FAM185A: variants seen among roughly 807,000 people sequenced by gnomAD.
FAM185A encodes the protein family with sequence similarity 185 member A, also known as protein FAM185A.
Under a neutral mutation model 45.7 loss-of-function variants are expected in FAM185A, and 21 were observed. That is an observed-to-expected ratio of 0.46 (90% CI 0.33 to 0.66). FAM185A has a LOEUF of 0.66. Among genes scored for constraint, FAM185A ranks in the 30% least tolerant of loss-of-function variants. The pLI, the probability that FAM185A is intolerant of heterozygous loss-of-function variation, is 0.03. For missense variants in FAM185A, 305 were observed against 485.4 expected, an observed-to-expected ratio of 0.63 and a Z score of 3.49; for synonymous variants, 117 against 194.0, an observed-to-expected ratio of 0.60 and a Z score of 3.30.
the FAM185A span, among the ~76,000 whole-genome samples, chr7:102,845,535 C>T: frequency 0.011 from 1,641 of 152,232 alleles, 33 homozygotes; most frequent in African/African-American, 0.038. Flanking sequence ...GCGGGGACAC[C>T]ACCAACATTC....
chr7:102,842,929 T>C, the FAM185A span, among the ~76,000 whole-genome samples: 1 of 152,232 alleles, frequency 6.6e-6, no homozygotes, highest in Admixed American at 6.5e-5. Context: ...CAATGACTGT[T>C]GCTCTGTTGT....
intron 6 of FAM185A, among the ~76,000 whole-genome samples, chr7:102,783,105 G>A (rs1039162631): frequency 1.3e-5 from 2 of 151,832 alleles, no homozygotes; most frequent in South Asian, 2.1e-4. Context: ...GATAACTATC[G>A]TAAATATATA....
chr7:102,832,453 A>G, the FAM185A span, among the ~76,000 whole-genome samples: 1 of 152,218 alleles, frequency 6.6e-6, no homozygotes, highest in Admixed American at 6.5e-5. Context: ...AAGGTTATGG[A>G]TTTAATAACT....
chr7:102,776,099 T>TATAC (rs1554372419), intron 5 of FAM185A, among the ~76,000 whole-genome samples: 2 of 106,696 alleles, frequency 1.9e-5, no homozygotes, highest in Non-Finnish European at 3.5e-5. Flanking sequence ...TTGGCTCCTA[T>TATAC]ACACACACAC....
downstream of FAM185A, among the ~76,000 whole-genome samples, chr7:102,810,627 T>C (rs150600632): frequency 9.2e-5 from 14 of 152,198 alleles, no homozygotes; most frequent in Non-Finnish European, 1.5e-4. Context: ...GAGGTCTCAC[T>C]CTGTTGCCCA....
intron 6 of FAM185A, among the ~76,000 whole-genome samples, chr7:102,782,596 C>A (rs7787124): frequency 1.3e-5 from 2 of 152,150 alleles, no homozygotes; most frequent in Non-Finnish European, 2.9e-5. Flanking sequence ...AGACAAGCAA[C>A]TGCTGAGAGA....
the FAM185A span, among the ~76,000 whole-genome samples, chr7:102,843,403 A>C: frequency 1.3e-5 from 2 of 152,150 alleles, no homozygotes; most frequent in African/African-American, 4.8e-5. Flanking sequence ...ACATCGCACC[A>C]CTCCAGACTG....
the FAM185A span, chr7:102,832,866 A>G: frequency 6.2e-7 from 1 of 1,614,178 alleles, no homozygotes; most frequent in Non-Finnish European, 8.5e-7. Context: ...ATGCTGAGAG[A>G]TGTGAGGTTA....
intron 6 of FAM185A, among the ~76,000 whole-genome samples, chr7:102,785,213 A>T (rs1349510636): frequency 6.6e-6 from 1 of 151,960 alleles, no homozygotes; most frequent in Admixed American, 6.6e-5. Flanking sequence ...TTCCATGCTC[A>T]TGGGTAGGAA....
chr7:102,817,367 A>T, the FAM185A span, among the ~76,000 whole-genome samples: 3 of 152,084 alleles, frequency 2.0e-5, no homozygotes, highest in Non-Finnish European at 4.4e-5. Flanking sequence ...AGTGATGTTG[A>T]GCATTTTTTC....
chr7:102,777,974 A>G (rs1470224238), intron 6 of FAM185A, among the ~76,000 whole-genome samples: 1 of 152,250 alleles, frequency 6.6e-6, no homozygotes, highest in Non-Finnish European at 1.5e-5. Context: ...ATGTACACAT[A>G]TGTGTTGACA....
At chr7:102,782,004 G>A (rs1006734788) in intron 6 of FAM185A, among the ~76,000 whole-genome samples, 9 of 152,172 alleles carry the variant, frequency 5.9e-5, no homozygotes, top group East Asian at 1.9e-4. Context: ...ACTATGTGAC[G>A]AATGCACAAG....
At chr7:102,804,004 C>T (rs1426836250) in intron 7 of FAM185A, among the ~76,000 whole-genome samples, 2 of 152,040 alleles carry the variant, frequency 1.3e-5, no homozygotes, top group Non-Finnish European at 2.9e-5. Context: ...ACAAGGAAAA[C>T]TACAAAACAT....
intron 7 of FAM185A, among the ~76,000 whole-genome samples, chr7:102,796,260 TG>T (rs1236454885): frequency 2.6e-5 from 4 of 152,372 alleles, no homozygotes; most frequent in African/African-American, 9.6e-5. Flanking sequence ...TTATGCCAGC[TG>T]ATCGACTGAG....
chr7:102,809,893 C>T (rs1327144877), downstream of FAM185A, among the ~76,000 whole-genome samples: 1 of 152,074 alleles, frequency 6.6e-6, no homozygotes, highest in Non-Finnish European at 1.5e-5. Flanking sequence ...TTACCACCAC[C>T]TTCTTGGTTC....
chr7:102,788,285 A>G (rs1795942084), intron 7 of FAM185A, among the ~76,000 whole-genome samples: 1 of 152,118 alleles, frequency 6.6e-6, no homozygotes, highest in Non-Finnish European at 1.5e-5. Flanking sequence ...TGTTGTTTTA[A>G]TGAATAAAAA....
intron 7 of FAM185A, among the ~76,000 whole-genome samples, chr7:102,793,044 A>T (rs984418331): frequency 2.6e-5 from 4 of 152,258 alleles, no homozygotes; most frequent in African/African-American, 9.6e-5. Flanking sequence ...CTTAGAGCAC[A>T]TGAATTTGTC....
At chr7:102,809,750 T>C (rs1320234467), downstream of FAM185A, among the ~76,000 whole-genome samples, 1 of 152,144 alleles carries the variant, frequency 6.6e-6, no homozygotes, top group Admixed American at 6.5e-5. Flanking sequence ...ACTATAACTA[T>C]ACTATAAGAC....
the FAM185A span, among the ~76,000 whole-genome samples, chr7:102,833,596 C>CTTT: frequency 7.2e-6 from 1 of 138,196 alleles, no homozygotes; most frequent in African/African-American, 2.6e-5. Flanking sequence ...CCGGCTAATT[C>CTTT]TTTTTTTTTT....
Sources: gnomAD v4.1 joint callset for allele counts (sites outside exome capture counted in the v4.1 genomes callset) on GRCh38, gnomAD v4.1.1 for gene constraint, MANE v1.5 for transcripts, NCBI Gene and HGNC (gene_info 2026-07-23, HGNC 2026-07-21) for gene names.